ACACB: variants seen among roughly 807,000 people sequenced by gnomAD.
ACACB encodes acetyl-CoA carboxylase beta, also known as acetyl-CoA carboxylase 2.
A neutral mutation model predicts 278.8 loss-of-function variants in ACACB; 209 were observed. The observed-to-expected ratio is 0.75, with a 90% CI of 0.67 to 0.84. ACACB has a LOEUF of 0.84. ACACB is among the 40% of genes least tolerant of loss of function. The pLI is 0.00. For missense variants in ACACB, 2,850 were observed against 3,269.0 expected (o/e 0.87, Z 3.13); for synonymous variants, 1,174 against 1,285.6 (o/e 0.91, Z 1.86).
chr12:109,178,572 TAAAA>T (rs1593476952), intron 9 of ACACB, among the ~76,000 whole-genome samples: 1 of 152,156 alleles, frequency 6.6e-6, no homozygotes, highest in Non-Finnish European at 1.5e-5. Flanking sequence ...GAGTTTGACT[TAAAA>T]AAGAGAATAT....
At chr12:109,214,868 C>A (rs551719209) in intron 22 of ACACB, among the ~76,000 whole-genome samples, 1 of 152,104 alleles carries the variant, frequency 6.6e-6, no homozygotes, top group African/African-American at 2.4e-5. Flanking sequence ...GAGGCCAAGG[C>A]GGATGGATTG....
chr12:109,154,677 G>C (rs1386058416), intron 2 of ACACB: 1 of 152,398 alleles, frequency 6.6e-6, no homozygotes, highest in Non-Finnish European at 1.5e-5. Flanking sequence ...GGCGCGCAGG[G>C]TGCATTTCGG....
chr12:109,235,899 T>C, intron 33 of ACACB: 1 of 439,430 alleles, frequency 2.3e-6, no homozygotes, highest in Non-Finnish European at 4.0e-6. Context: ...CTTGGGAGGC[T>C]GAGGTGGGAG....
In ACACB at chr12:109,143,086, T is replaced by G. The variant is rs555202419; in HGVS notation, c.653+3028T>G. On this transcript the variant is annotated intron_variant, in intron 2 of 52. Transcript: ENST00000338432. ...TGTGGGCGATTCAAAGGCTATGATA[T>G]GGTGAACGAAGGAGTGATGTGCTGC... 1.1e-4 allele frequency among the ~76,000 whole-genome samples: 17 copies of G among 152,254 alleles called. No homozygotes were observed. In the South Asian group the frequency reaches 3.5e-3, roughly 32 times the overall value.
intron 2 of ACACB, among the ~76,000 whole-genome samples, chr12:109,148,260 C>T (rs557538056): frequency 1.2e-3 from 188 of 152,310 alleles, no homozygotes; most frequent in Non-Finnish European, 2.2e-3. Flanking sequence ...CTTACATGCT[C>T]TGAAATGAGC....
intron 24 of ACACB, among the ~76,000 whole-genome samples, chr12:109,222,227 A>T (rs771891955): frequency 1.1e-4 from 16 of 151,840 alleles, no homozygotes; most frequent in Non-Finnish European, 1.6e-4. Flanking sequence ...GTAGGCAGGG[A>T]CTTAGTTGTA....
intron 1 of ACACB, among the ~76,000 whole-genome samples, chr12:109,121,589 C>G (rs1247697044): frequency 6.6e-6 from 1 of 152,182 alleles, no homozygotes; most frequent in Admixed American, 6.5e-5. Flanking sequence ...GCCCCTGATA[C>G]AGCAGTATGA....
chr12:109,153,847 G>A (rs2043443778), intron 2 of ACACB, among the ~76,000 whole-genome samples: 1 of 152,048 alleles, frequency 6.6e-6, no homozygotes, highest in African/African-American at 2.4e-5. Flanking sequence ...ATTATTAGTA[G>A]AGACAGGGTG....
intron 1 of ACACB, among the ~76,000 whole-genome samples, chr12:109,125,869 T>C (rs2042667604): frequency 6.6e-6 from 1 of 152,164 alleles, no homozygotes; most frequent in African/African-American, 2.4e-5. Context: ...GGTTTCACAC[T>C]CAAAAATGAC....
Position 109,140,047 on chromosome 12 carries a change from C to T in ACACB, c.642C>T (p.Val214=). The change falls in exon 2 of 53, where the codon GTC becomes GTT. Residue 214 remains valine, a synonymous_variant. Coordinates refer to ENST00000338432, the MANE Select transcript of ACACB (RefSeq NM_001093.4). Reference sequence around the variant, plus strand: ...CCACAGGTGAAGCTGAGACCCGCGTCCCCACTATGAGGTAATGTGCATTTT... The same window carrying T: ...CCACAGGTGAAGCTGAGACCCGCGTTCCCACTATGAGGTAATGTGCATTTT... ...YLTTGEAETR[V]PTMRPSMSGL... is the part of the protein sequence containing the mutation. The T allele has an allele frequency of 6.3e-7, 1 of 1,593,582 alleles. No homozygotes were observed. Among genetic ancestry groups the T allele is most frequent in the Non-Finnish European group, 8.5e-7 (1 of 1,174,654 alleles).
chr12:109,147,730 T>C (rs576680742), intron 2 of ACACB, among the ~76,000 whole-genome samples: 1 of 152,222 alleles, frequency 6.6e-6, no homozygotes, highest in Admixed American at 6.5e-5. Flanking sequence ...TGAAATGAGC[T>C]GCAACAAGCT....
At chr12:109,169,740 C>G (rs1318018316) in intron 4 of ACACB, among the ~76,000 whole-genome samples, 2 of 152,216 alleles carry the variant, frequency 1.3e-5, no homozygotes, top group African/African-American at 4.8e-5. Context: ...CTTCCCAGCA[C>G]TGACCGGAGT....
At chr12:109,210,612 A>AT (rs1259196294) in intron 21 of ACACB, among the ~76,000 whole-genome samples, 1 of 149,880 alleles carries the variant, frequency 6.7e-6, no homozygotes, top group Non-Finnish European at 1.5e-5. Flanking sequence ...TATATATAAT[A>AT]TTTTTTAAGA....
At chr12:109,253,307 C>T in intron 43 of ACACB, 149 bp downstream of exon 43, 4 of 857,114 alleles carry the variant, frequency 4.7e-6, no homozygotes, top group Non-Finnish European at 6.9e-6. Flanking sequence ...CTTACTCCTT[C>T]TTCCTTCTCT....
chr12:109,155,900 G>A (rs1565869730), intron 2 of ACACB, among the ~76,000 whole-genome samples: 2 of 152,176 alleles, frequency 1.3e-5, no homozygotes, highest in Non-Finnish European at 2.9e-5. Flanking sequence ...CCTAGTTCAT[G>A]GCTGCTTTTG....
Position 109,151,463 on chromosome 12 carries a change from C to G in ACACB, c.653+11405C>G, listed in dbSNP as rs539633406. ...TGCTCTATACTTAATGTAACACAGTCCCCCCCACCCCATATATTGAAAGAG... is the reference window on the plus strand; with the variant it reads ...TGCTCTATACTTAATGTAACACAGTGCCCCCCACCCCATATATTGAAAGAG... On this transcript the variant is annotated intron_variant, in intron 2 of 52. Coordinates refer to ENST00000338432, the MANE Select transcript of ACACB (RefSeq NM_001093.4). Among the ~76,000 whole-genome samples the G allele has an allele frequency of 2.0e-5, 3 of 151,506 alleles. 1 individual carries two copies. In the South Asian group the frequency reaches 6.3e-4, roughly 32 times the overall value.
intron 5 of ACACB, 73 bp from the exon 6 acceptor site, chr12:109,172,202 G>A (rs755949542): frequency 2.5e-5 from 36 of 1,443,424 alleles, no homozygotes; most frequent in African/African-American, 2.8e-5. Context: ...GGTTATAGGC[G>A]TGAGTTACTG....
At chr12:109,205,973 G>A (rs73191144) in intron 19 of ACACB, among the ~76,000 whole-genome samples, 11,598 of 152,122 alleles carry the variant, frequency 0.076, 1,113 homozygotes, top group African/African-American at 0.23. Flanking sequence ...ATTTTTCCAT[G>A]TGTTTACCTA....
chr12:109,139,281 G>A (rs1565855540), intron 1 of ACACB, 116 bp from the exon 2 acceptor site: 9 of 941,324 alleles, frequency 9.6e-6, no homozygotes, highest in Admixed American at 2.7e-5. Flanking sequence ...CTCTCCCCTC[G>A]TCCAGTATTT....
Sources: allele counts gnomAD v4.1 joint callset (sites outside exome capture counted in the v4.1 genomes callset), GRCh38; gene constraint gnomAD v4.1.1; transcripts MANE v1.5; gene names NCBI Gene and HGNC (gene_info 2026-07-23, HGNC 2026-07-21).